THSD7B: variants seen among roughly 807,000 people sequenced by gnomAD.
THSD7B encodes the protein thrombospondin type 1 domain containing 7B.
THSD7B carries 138 observed loss-of-function variants against 213.6 expected under a neutral mutation model. The ratio of observed to expected loss-of-function variants is 0.65; its 90% CI spans 0.56 to 0.74. The LOEUF (loss-of-function observed/expected upper bound fraction) is 0.74. Ranked by LOEUF, THSD7B falls within the 30% of genes least tolerant of loss-of-function variation. THSD7B has a pLI of 0.00. For synonymous variants in THSD7B, 742 were observed against 687.0 expected, an observed-to-expected ratio of 1.08 and a Z score of -1.25; for missense variants, 1,931 against 1,991.5, an observed-to-expected ratio of 0.97 and a Z score of 0.58.
At chr2:137,030,959 A>G (rs1232607745) in intron 2 of THSD7B, among the ~76,000 whole-genome samples, 1 of 152,228 alleles carries the variant, frequency 6.6e-6, no homozygotes, top group Non-Finnish European at 1.5e-5. Context: ...AATTTTTTAA[A>G]CCACTAGGTT....
chr2:136,907,957 G>T (rs1404603937), intron 2 of THSD7B, among the ~76,000 whole-genome samples: 2 of 152,186 alleles, frequency 1.3e-5, no homozygotes, highest in African/African-American at 4.8e-5. Flanking sequence ...AGCTATAATA[G>T]ATGAAAAAAC....
chr2:137,652,453 T>C (rs1455367693), intron 21 of THSD7B, among the ~76,000 whole-genome samples: 2 of 152,096 alleles, frequency 1.3e-5, no homozygotes, highest in African/African-American at 4.8e-5. Flanking sequence ...TGTGTCTTTA[T>C]AGGTAAGGTG....
intron 12 of THSD7B, among the ~76,000 whole-genome samples, chr2:137,276,978 ACTTT>A (rs1362841199): frequency 6.6e-6 from 1 of 152,062 alleles, no homozygotes; most frequent in Non-Finnish European, 1.5e-5. Flanking sequence ...AGAATGAACC[ACTTT>A]CTTAAGACAT....
In THSD7B at chr2:137,659,608, A is replaced by C. The variant is rs1473041306; in HGVS notation, c.4376-56A>C. 8 of 1,492,218 alleles carry C rather than the reference A, an allele frequency of 5.4e-6. No homozygotes were observed. The East Asian group carries it at 1.7e-4, about 32-fold the overall frequency. The allele number at this position is 1,492,218 out of a possible 1,614,324, so 92.4% of individuals were successfully genotyped here. On this transcript the variant is annotated intron_variant, in intron 24 of 27. Transcript: ENST00000409968. ...GCACAGGTTAAAAAAAAATACCAAA[A>C]AATTAGAAATATCTAATAGAGAAAT...
At chr2:137,150,778 T>A (rs548939669) in intron 5 of THSD7B, among the ~76,000 whole-genome samples, 1 of 152,256 alleles carries the variant, frequency 6.6e-6, no homozygotes, top group African/African-American at 2.4e-5. Context: ...ACAAATCTAG[T>A]TGGGATAGTC....
intron 12 of THSD7B, among the ~76,000 whole-genome samples, chr2:137,332,732 C>T (rs1415579011): frequency 6.6e-6 from 1 of 152,088 alleles, no homozygotes; most frequent in African/African-American, 2.4e-5. Context: ...GGGGCAGTTT[C>T]CCTCATACTA....
intron 12 of THSD7B, among the ~76,000 whole-genome samples, chr2:137,295,243 T>G (rs1683434482): frequency 1.3e-5 from 2 of 152,146 alleles, no homozygotes; most frequent in Admixed American, 1.3e-4. Context: ...AAGAAAAAAC[T>G]TGTCAATTGA....
At chr2:137,566,030 TAC>T (rs1681231046) in intron 16 of THSD7B, among the ~76,000 whole-genome samples, 1 of 152,192 alleles carries the variant, frequency 6.6e-6, no homozygotes, top group African/African-American at 2.4e-5. Context: ...ATCTTCCAGT[TAC>T]CTTGCATTCT....
At chr2:137,647,327 G>A (rs913589946) in intron 21 of THSD7B, among the ~76,000 whole-genome samples, 2 of 152,010 alleles carry the variant, frequency 1.3e-5, no homozygotes, top group Non-Finnish European at 1.5e-5. Flanking sequence ...ATAATGGATT[G>A]TAGCATGTAG....
At chr2:137,341,965 C>T (rs976097450) in intron 12 of THSD7B, among the ~76,000 whole-genome samples, 4 of 150,924 alleles carry the variant, frequency 2.7e-5, no homozygotes. Context: ...ATTGGCTATT[C>T]AAGACTTTTG....
intron 12 of THSD7B, among the ~76,000 whole-genome samples, chr2:137,291,721 A>G (rs184271438): frequency 5.2e-4 from 79 of 152,248 alleles, no homozygotes; most frequent in African/African-American, 1.7e-3. Flanking sequence ...ATATTTTACA[A>G]ATTCCTTCAA....
intron 12 of THSD7B, among the ~76,000 whole-genome samples, chr2:137,305,122 G>T (rs1391690299): frequency 6.6e-6 from 1 of 152,114 alleles, no homozygotes; most frequent in Non-Finnish European, 1.5e-5. Context: ...TGTGTTCAAA[G>T]ATGATTTTAT....
intron 2 of THSD7B, among the ~76,000 whole-genome samples, chr2:137,024,928 C>T (rs1269476227): frequency 6.6e-6 from 1 of 152,156 alleles, no homozygotes; most frequent in African/African-American, 2.4e-5. Context: ...ACACCACTAT[C>T]CTTCTATGCC....
intron 1 of THSD7B, among the ~76,000 whole-genome samples, chr2:136,881,155 G>T (rs1320699522): frequency 6.6e-6 from 1 of 152,142 alleles, no homozygotes; most frequent in Admixed American, 6.6e-5. Flanking sequence ...ATTATCTTGT[G>T]TGAGGCTCTC....
intron 1 of THSD7B, among the ~76,000 whole-genome samples, chr2:136,872,858 A>ACCTGTAAT (rs1309016222): frequency 7.0e-6 from 1 of 143,460 alleles, no homozygotes; most frequent in East Asian, 2.1e-4. Flanking sequence ...GGTGGCAGGC[A>ACCTGTAAT]CCTGTAATCC....
intron 15 of THSD7B, among the ~76,000 whole-genome samples, chr2:137,536,043 T>G (rs1196691653): frequency 6.7e-6 from 1 of 150,050 alleles, no homozygotes; most frequent in Non-Finnish European, 1.5e-5. Context: ...AAACCACGGG[T>G]ATGTGAGTCA....
At chr2:137,418,135 A>G (rs1266990369) in intron 14 of THSD7B, among the ~76,000 whole-genome samples, 1 of 152,160 alleles carries the variant, frequency 6.6e-6, no homozygotes, top group East Asian at 1.9e-4. Context: ...ACTTCATATA[A>G]TATTGCTGTG....
chr2:136,927,006 A>G (rs1684544180), intron 2 of THSD7B, among the ~76,000 whole-genome samples: 1 of 152,228 alleles, frequency 6.6e-6, no homozygotes. Context: ...TTTGTGCTTA[A>G]GATCCTTTAG....
At chr2:137,158,960 C>T (rs1199151047) in intron 5 of THSD7B, among the ~76,000 whole-genome samples, 1 of 152,100 alleles carries the variant, frequency 6.6e-6, no homozygotes, top group Non-Finnish European at 1.5e-5. Flanking sequence ...CTAGATTGCT[C>T]CAAAGCCTTC....
Sources: gnomAD v4.1 joint callset for allele counts (sites outside exome capture counted in the v4.1 genomes callset) on GRCh38, gnomAD v4.1.1 for gene constraint, MANE v1.5 for transcripts, NCBI Gene and HGNC (gene_info 2026-07-23, HGNC 2026-07-21) for gene names.